Variants in BTD observed in about 807,000 individuals in gnomAD.
BTD encodes the protein biocytinase.
BTD carries 13 observed loss-of-function variants against 17.7 expected under a neutral mutation model. The observed-to-expected ratio is 0.74, with a 90% confidence interval of 0.48 to 1.17. The LOEUF is 1.17. BTD is among the 50% of genes most tolerant of loss of function. The probability of loss-of-function intolerance (pLI) is 0.00; values close to 1 mark genes in which losing one functional copy is unlikely to be tolerated. For missense variants in BTD, 674 were observed against 650.4 expected (o/e 1.04, Z -0.39); for synonymous variants, 240 against 245.2 (o/e 0.98, Z 0.20).
Position 15,646,640 on chromosome 3 carries a change from T to C in BTD, c.*1152T>C, listed in dbSNP as rs1425822408. 6.6e-6 allele frequency: 1 copy of C among 152,266 alleles called. No homozygotes were observed. Among genetic ancestry groups the C allele is most frequent in the African/African-American group, 2.4e-5 (1 of 41,476 alleles). The allele number at this position is 152,266 out of a possible 1,614,324, so 9.4% of individuals were successfully genotyped here. A position where few individuals can be genotyped will look rare whatever the true frequency, so the allele number is the denominator to read the frequency against. On this transcript the variant is annotated 3_prime_UTR_variant, in exon 4 of 4. Transcript: ENST00000643237. ...AAGCCATTTAAAAAAGGATTTTGAC[T>C]GCATGCCTAGTAGCTGTTTCAGATC... is the stretch of plus-strand genomic sequence containing the variant.
At position 15,644,367 on chromosome 3, in the gene BTD, G is replaced by A. The variant is rs13073139; in HGVS notation, c.451G>A (p.Ala151Thr). The change falls in exon 4 of 4, where the codon GCC (alanine) becomes ACC (threonine). Residue 151 changes from alanine (A) to threonine (T), a missense_variant. Physicochemically the swap from Ala to Thr is moderately conservative, Grantham distance 58. Transcript: ENST00000643237. ...MAIRGDMFLVANLGTKEPCHS... is the reference protein window; with the variant it reads ...MAIRGDMFLVTNLGTKEPCHS... ...CATCAGGGGAGATATGTTCTTGGTG[G>A]CCAATCTTGGGACAAAGGAGCCTTG... 5.3e-4 allele frequency: 851 copies of A among 1,613,968 alleles called. No individual in the cohort carries two copies. Among genetic ancestry groups the A allele is most frequent in the Non-Finnish European group, 6.8e-4 (802 of 1,180,024 alleles).
chr3:15,682,733 A>G (rs1430890735), intron 3 of BTD, among the ~76,000 whole-genome samples: 1 of 152,236 alleles, frequency 6.6e-6, no homozygotes, highest in Non-Finnish European at 1.5e-5. Context: ...ATTACTAGTT[A>G]AAGTAAAAAC....
Position 15,644,333 on chromosome 3 carries a change from T to C in BTD, c.417T>C (p.Ser139=), listed in dbSNP as rs2125500181. The C allele has an allele frequency of 6.2e-7, 1 of 1,613,938 alleles. No individual in the cohort carries two copies. The change falls in exon 4 of 4, where the codon AGT becomes AGC. Residue 139 remains serine (S), a synonymous_variant. Transcript: ENST00000643237. ...TCCTCTAGGTGCTCCAGCGCCTGAGTTGTATGGCCATCAGGGGAGATATGT... is the reference window on the plus strand; with the variant it reads ...TCCTCTAGGTGCTCCAGCGCCTGAGCTGTATGGCCATCAGGGGAGATATGT... The part of the protein sequence containing the change: ...FNDTEVLQRL[S]CMAIRGDMFL...
chr3:15,658,556 T>A (rs1216887622), downstream of BTD, among the ~76,000 whole-genome samples: 1 of 151,856 alleles, frequency 6.6e-6, no homozygotes, highest in East Asian at 1.9e-4. Flanking sequence ...ATATTCAGAG[T>A]GAGTCAAACC....
At chr3:15,687,408 A>C (rs2068260366) in intron 3 of BTD, among the ~76,000 whole-genome samples, 1 of 152,174 alleles carries the variant, frequency 6.6e-6, no homozygotes, top group Admixed American at 6.5e-5. Context: ...AAATGCATAA[A>C]ATGGGCAAGG....
exon 4 of BTD, among the ~76,000 whole-genome samples, chr3:15,710,747 TA>T (rs1326948741): frequency 6.6e-6 from 1 of 152,108 alleles, no homozygotes. Context: ...TGGTACTATT[TA>T]AAACTTAGTC....
rs760783811 is a variant in BTD at position 15,635,396 on chromosome 3, G to A, written c.-16-28G>A. 1.9e-6 allele frequency: 3 copies of A among 1,614,064 alleles called. No homozygotes were observed. The highest frequency in any genetic ancestry group is 4.5e-5 in the East Asian group (2 of 44,902). ...TCTTGGCAGGATTCTTTATTCAGCTGTTTTCCCCTTGCCCCATTACATTCC... is the reference window on the plus strand; with the variant it reads ...TCTTGGCAGGATTCTTTATTCAGCTATTTTCCCCTTGCCCCATTACATTCC... On this transcript the variant is annotated intron_variant, in intron 1 of 3. Transcript: ENST00000643237. This position sits in a 1 kb window ranked among gnomAD's most constrained non-coding sequence, Gnocchi z 4.1.
intron 3 of BTD, chr3:15,669,607 A>T (rs1015575723): frequency 6.6e-6 from 1 of 152,164 alleles, no homozygotes. Flanking sequence ...TAAAAGAAAA[A>T]AATGTAAAAA....
chr3:15,660,962 C>T (rs1052207376), intron 3 of BTD, among the ~76,000 whole-genome samples: 1 of 152,010 alleles, frequency 6.6e-6, no homozygotes, highest in African/African-American at 2.4e-5. Context: ...GCGTTCCCAC[C>T]AGTAATGAAT....
At chr3:15,672,136 T>TA (rs964106932) in intron 3 of BTD, among the ~76,000 whole-genome samples, 5 of 148,880 alleles carry the variant, frequency 3.4e-5, no homozygotes, top group African/African-American at 7.7e-5. Context: ...TTGGCCTTGA[T>TA]AAAAAAAGGA....
At position 15,652,307 on chromosome 3, in the gene BTD, C is replaced by T. The variant is rs2065816476; in HGVS notation, c.*6819C>T. ...CACCACTGCACTCCAGTCTGGGCAA[C>T]AGAGCGACACTCCGTCTCCAAAAAA... On this transcript the variant is annotated 3_prime_UTR_variant, in exon 4 of 4. Coordinates refer to ENST00000643237, the MANE Select transcript of BTD (RefSeq NM_001370658.1). Among the ~76,000 whole-genome samples the T allele has an allele frequency of 6.6e-6, 1 of 152,150 alleles. No homozygotes were observed. Among genetic ancestry groups the T allele is most frequent in the Admixed American group, 6.5e-5 (1 of 15,272 alleles).
At chr3:15,695,605 A>C (rs1246027549) in intron 3 of BTD, among the ~76,000 whole-genome samples, 1 of 152,140 alleles carries the variant, frequency 6.6e-6, no homozygotes, top group Non-Finnish European at 1.5e-5. Flanking sequence ...TATCTGTTAC[A>C]CACATGAATA....
intron 3 of BTD, among the ~76,000 whole-genome samples, chr3:15,691,708 A>C (rs2068826310): frequency 6.6e-6 from 1 of 152,234 alleles, no homozygotes; most frequent in Non-Finnish European, 1.5e-5. Context: ...AAGTGACTGT[A>C]GGTCACGGAA....
At chr3:15,664,067 AATTTTTGT>A (rs2065953291) in intron 3 of BTD, among the ~76,000 whole-genome samples, 2 of 151,994 alleles carry the variant, frequency 1.3e-5, no homozygotes, top group Admixed American at 6.6e-5. Context: ...ATGCCTGGCT[AATTTTTGT>A]ATTTTTAGTA....
intron 3 of BTD, among the ~76,000 whole-genome samples, chr3:15,673,771 T>C (rs1252516548): frequency 6.6e-6 from 1 of 152,140 alleles, no homozygotes; most frequent in Non-Finnish European, 1.5e-5. Context: ...AAGATCACAA[T>C]GCATGTATAA....
chr3:15,703,275 A>G (rs1265926739), intron 3 of BTD, among the ~76,000 whole-genome samples: 1 of 152,252 alleles, frequency 6.6e-6, no homozygotes, highest in Non-Finnish European at 1.5e-5. Context: ...TTGAAAACAG[A>G]CAAAAATAAA....
intron 2 of BTD, among the ~76,000 whole-genome samples, chr3:15,639,110 T>C (rs759713459): frequency 6.6e-6 from 1 of 151,970 alleles, no homozygotes; most frequent in Non-Finnish European, 1.5e-5. Flanking sequence ...CTTGATCTCA[T>C]TGAGATCTAC....
At chr3:15,717,778 T>C (rs2073244285) in intron 4 of BTD, among the ~76,000 whole-genome samples, 2 of 152,178 alleles carry the variant, frequency 1.3e-5, no homozygotes, top group African/African-American at 4.8e-5. Flanking sequence ...GTCAAGCAGT[T>C]CTAAAAAACA....
Position 15,712,557 on chromosome 3 carries a change from C to T in BTD, c.*2483C>T, listed in dbSNP as rs79029328. Among the ~76,000 whole-genome samples the T allele has an allele frequency of 2.6e-5, 4 of 152,294 alleles. No individual in the cohort carries two copies. In the East Asian group the frequency reaches 7.7e-4, roughly 29 times the overall value. Reference sequence around the variant, plus strand: ...TGTCATTAACATTAACACCTTCCTCCCCAAATTGTGACAACCAAAAATGTA... The same window carrying T: ...TGTCATTAACATTAACACCTTCCTCTCCAAATTGTGACAACCAAAAATGTA... On this transcript the variant is annotated 3_prime_UTR_variant, in exon 4 of 4. Transcript: ENST00000672141.
Sources: allele counts gnomAD v4.1 joint callset (sites outside exome capture counted in the v4.1 genomes callset), GRCh38; gene constraint gnomAD v4.1.1; non-coding constraint Gnocchi (gnomAD v3.1); transcripts MANE v1.5; gene names NCBI Gene and HGNC (gene_info 2026-07-23, HGNC 2026-07-21).